Variants in KMO observed in about 807,000 individuals in gnomAD.
KMO encodes the protein kynurenine 3-hydroxylase.
In KMO, 24 loss-of-function variants were observed where a neutral mutation model predicts 57.8. That is an observed-to-expected ratio of 0.42 (90% confidence interval 0.30 to 0.58). The LOEUF is 0.58. Ranked by LOEUF, KMO falls within the 20% of genes least tolerant of loss-of-function variation. The pLI is 0.22. For synonymous variants in KMO, 210 were observed against 193.6 expected (o/e 1.08, Z -0.70); for missense variants, 483 against 588.2 (o/e 0.82, Z 1.85).
chr1:241,562,424 C>T, intron 7 of KMO, 92 bp downstream of exon 7: 1 of 1,305,266 alleles, frequency 7.7e-7, no homozygotes, highest in Non-Finnish European at 1.1e-6. Flanking sequence ...AGCAGCATGT[C>T]TTGATCCATT....
chr1:241,553,534 A>T (rs1661491452), intron 4 of KMO, among the ~76,000 whole-genome samples: 1 of 152,132 alleles, frequency 6.6e-6, no homozygotes, highest in Admixed American at 6.6e-5. Flanking sequence ...AAAAAAATTT[A>T]AAAATTAGCC....
intron 1 of KMO, among the ~76,000 whole-genome samples, chr1:241,545,439 C>A (rs549362241): frequency 3.2e-4 from 49 of 152,208 alleles, no homozygotes; most frequent in African/African-American, 1.1e-3. Flanking sequence ...TGGTTCCTTC[C>A]GAGAGCTGTG....
At chr1:241,547,465 G>C (rs1218543920) in intron 1 of KMO, among the ~76,000 whole-genome samples, 1 of 151,172 alleles carries the variant, frequency 6.6e-6, no homozygotes, top group African/African-American at 2.4e-5. Flanking sequence ...CAACCCAATA[G>C]AAAATGGGCA....
At chr1:241,539,782 G>A (rs949820469) in intron 1 of KMO, among the ~76,000 whole-genome samples, 5 of 152,148 alleles carry the variant, frequency 3.3e-5, no homozygotes, top group East Asian at 1.9e-4. Context: ...AGGAGCCAAC[G>A]GGGCAGGTAG....
chr1:241,577,190 T>C (rs1299267202), intron 10 of KMO, among the ~76,000 whole-genome samples: 1 of 152,148 alleles, frequency 6.6e-6, no homozygotes, highest in Admixed American at 6.5e-5. Flanking sequence ...CTCTGGCATG[T>C]TCTTGAGTAA....
At chr1:241,541,394 A>T (rs1447624410) in intron 1 of KMO, among the ~76,000 whole-genome samples, 1 of 152,202 alleles carries the variant, frequency 6.6e-6, no homozygotes, top group African/African-American at 2.4e-5. Context: ...AGTTTATGGA[A>T]TACAGAATAC....
At chr1:241,566,824 G>A (rs1415308988) in intron 9 of KMO, among the ~76,000 whole-genome samples, 2 of 152,206 alleles carry the variant, frequency 1.3e-5, no homozygotes, top group Non-Finnish European at 2.9e-5. Context: ...CTCCGGGAAA[G>A]ATGAGCCACC....
chr1:241,556,750 G>A (rs1046399806), intron 5 of KMO, among the ~76,000 whole-genome samples: 3 of 152,146 alleles, frequency 2.0e-5, no homozygotes, highest in African/African-American at 4.8e-5. Flanking sequence ...TTAGCTGAGC[G>A]TGGTGGCACA....
In KMO at chr1:241,568,664, T is replaced by C. The variant is rs1558423892; in HGVS notation, c.957+17T>C. 14 of 1,610,992 alleles carry C rather than the reference T, an allele frequency of 8.7e-6. No individual in the cohort carries two copies. The highest frequency in any genetic ancestry group is 1.2e-5 in the Non-Finnish European group (14 of 1,178,094). On this transcript the variant is annotated intron_variant, in intron 10 of 14. Coordinates refer to ENST00000366559, the MANE Select transcript of KMO (RefSeq NM_003679.5). ...ATGAATGCGGTAAGTTCTTTTTCCC[T>C]AGGTAAGTCCCTCAAATACTTCTGG...
intron 5 of KMO, among the ~76,000 whole-genome samples, chr1:241,557,290 C>T (rs2147956331): frequency 6.6e-6 from 1 of 152,306 alleles, no homozygotes; most frequent in South Asian, 2.1e-4. Context: ...GTTGCTTTTC[C>T]TCCCTTCAGC....
chr1:241,555,850 G>T (rs1661597978), intron 5 of KMO, 190 bp downstream of exon 5: 1 of 434,036 alleles, frequency 2.3e-6, no homozygotes, highest in Non-Finnish European at 4.1e-6. Flanking sequence ...CACTCTGAAA[G>T]GCTGAGGCCA....
At chr1:241,562,513 C>A (rs571042030) in intron 7 of KMO, among the ~76,000 whole-genome samples, 181 bp downstream of exon 7, 1 of 152,306 alleles carries the variant, frequency 6.6e-6, no homozygotes, top group South Asian at 2.1e-4. Context: ...GATTCTCAGT[C>A]CTTCCTTGTT....
At chr1:241,544,897 G>T (rs1466407158) in intron 1 of KMO, among the ~76,000 whole-genome samples, 2 of 152,010 alleles carry the variant, frequency 1.3e-5, no homozygotes, top group Non-Finnish European at 2.9e-5. Context: ...TAATATAAAA[G>T]AATCTGCAAA....
Position 241,565,057 on chromosome 1 carries a change from T to A in KMO, c.686T>A (p.Met229Lys), listed in dbSNP as rs1346408366. 1 of 1,567,350 alleles carries A rather than the reference T, an allele frequency of 6.4e-7. No homozygotes were observed. The highest frequency in any genetic ancestry group is 1.7e-5 in the Admixed American group (1 of 59,554). ...NTFMMIALPN[M>K]NKSFTCTLFM... ...TTTATGATGATTGCACTTCCTAACA[T>A]GGTAGTATAGAATTTTTTATCAACT... Residue 229 changes from methionine to lysine, a missense_variant and splice_region_variant, in exon 8 of 15, where the codon ATG (methionine) becomes AAG (lysine). Physicochemically the swap from Met to Lys is moderately conservative, Grantham distance 95 (BLOSUM62 -1). Transcript: ENST00000366559.
intron 5 of KMO, among the ~76,000 whole-genome samples, chr1:241,558,253 CA>C (rs1185594321): frequency 6.6e-6 from 1 of 152,184 alleles, no homozygotes; most frequent in East Asian, 1.9e-4. Flanking sequence ...AGAAGTTCCC[CA>C]AATTGTCTTT....
chr1:241,575,938 T>C (rs1325715309), intron 10 of KMO, among the ~76,000 whole-genome samples: 1 of 151,990 alleles, frequency 6.6e-6, no homozygotes, highest in East Asian at 1.9e-4. Context: ...ATTTAAGAGC[T>C]CCAGTGTTAG....
chr1:241,586,106 T>C (rs1662968770), intron 10 of KMO, among the ~76,000 whole-genome samples: 1 of 151,178 alleles, frequency 6.6e-6, no homozygotes, highest in African/African-American at 2.4e-5. Context: ...AACAGTAATG[T>C]AAAATCTTGG....
At chr1:241,570,657 C>A (rs1321947414) in intron 10 of KMO, among the ~76,000 whole-genome samples, 1 of 152,058 alleles carries the variant, frequency 6.6e-6, no homozygotes, top group Non-Finnish European at 1.5e-5. Flanking sequence ...TGTCTCTATG[C>A]CCGTACCATG....
rs1481134706 is a variant in KMO, at chr1:241,593,428, A to G, written c.*1275A>G. ...TATGAAGATGAAACACTAGAGTCAT[A>G]TAAGAAATAAAAATTGGGCAATAAA... On this transcript the variant is annotated 3_prime_UTR_variant, in exon 15 of 15. Coordinates refer to ENST00000366559, the MANE Select transcript of KMO (RefSeq NM_003679.5). The G allele has an allele frequency of 7.9e-6, 3 of 380,094 alleles. No homozygotes were observed. In the East Asian group the frequency reaches 2.2e-4, roughly 28 times the overall value. 23.5% of individuals were successfully genotyped at this position (380,094 alleles called of 1,614,324 possible). A position where few individuals can be genotyped will look rare whatever the true frequency, so the allele number is the denominator to read the frequency against.
Sources: gnomAD v4.1 joint callset for allele counts (sites outside exome capture counted in the v4.1 genomes callset) on GRCh38, gnomAD v4.1.1 for gene constraint, MANE v1.5 for transcripts, NCBI Gene and HGNC (gene_info 2026-07-23, HGNC 2026-07-21) for gene names.